Variants in KCNH5 observed in about 807,000 individuals in gnomAD.
The protein encoded by KCNH5 is voltage-gated delayed rectifier potassium channel KCNH5.
In KCNH5, 46 loss-of-function variants were observed where a neutral mutation model predicts 96.1. The observed-to-expected ratio is 0.48, with a 90% CI of 0.38 to 0.61. The LOEUF (loss-of-function observed/expected upper bound fraction) is 0.61, where lower values mean the gene tolerates loss of function less well. KCNH5 is among the 20% of genes least tolerant of loss of function. The pLI is 0.00. For synonymous variants in KCNH5, 439 were observed against 449.8 expected, an observed-to-expected ratio of 0.98 and a Z score of 0.30; for missense variants, 907 against 1,225.8, an observed-to-expected ratio of 0.74 and a Z score of 3.88.
At chr14:62,817,060 CTG>C (rs1451118296) in intron 8 of KCNH5, among the ~76,000 whole-genome samples, 1 of 137,610 alleles carries the variant, frequency 7.3e-6, no homozygotes, top group Non-Finnish European at 1.5e-5. Flanking sequence ...TCTCTGAGTT[CTG>C]TGTGTGTGTA....
chr14:63,033,316 G>A (rs145723829), intron 1 of KCNH5, among the ~76,000 whole-genome samples: 126 of 152,286 alleles, frequency 8.3e-4, no homozygotes, highest in Non-Finnish European at 1.6e-3. Flanking sequence ...ATCTAGCTGC[G>A]CTAGTGTTTA....
rs375719709 is a variant in KCNH5, at chr14:62,923,622, T to C, written c.1369+26511A>G. ...TATGGTACTGGCATTAAAACAAACATGTAGACCAATGGAACAGGACAGAGA... is the reference window on the plus strand; with the variant it reads ...TATGGTACTGGCATTAAAACAAACACGTAGACCAATGGAACAGGACAGAGA... On this transcript the variant is annotated intron_variant, in intron 7 of 10. Transcript: ENST00000322893. Among the ~76,000 whole-genome samples, 8 of 151,924 alleles carry C rather than the reference T, an allele frequency of 5.3e-5. No homozygotes were observed. The South Asian group carries it at 1.2e-3, about 24-fold the overall frequency.
intron 10 of KCNH5, among the ~76,000 whole-genome samples, chr14:62,741,465 T>A (rs551199955): frequency 1.3e-5 from 2 of 152,226 alleles, no homozygotes; most frequent in South Asian, 4.2e-4. Flanking sequence ...TGAATCAAAA[T>A]CAATAAATTA....
In KCNH5 at chr14:63,004,665, C is replaced by A. The variant is rs185793526; in HGVS notation, c.304+1701G>T. ...TGTCACCCAGGCTGGAATACAGTAG[C>A]ATGATCATAGCTCACTGCAGCCTCG... On this transcript the variant is annotated intron_variant, in intron 3 of 10. Transcript: ENST00000322893. Among the ~76,000 whole-genome samples the A allele has an allele frequency of 3.2e-4, 49 of 152,318 alleles. No homozygotes were observed. In the East Asian group the frequency reaches 7.9e-3, roughly 25 times the overall value.
intron 10 of KCNH5, among the ~76,000 whole-genome samples, chr14:62,749,147 A>G (rs1319146951): frequency 1.3e-5 from 2 of 152,322 alleles, no homozygotes; most frequent in South Asian, 4.1e-4. Context: ...GAGAGGCTAA[A>G]GTCTGTGCCC....
At chr14:62,958,347 G>A (rs775063158) in intron 6 of KCNH5, among the ~76,000 whole-genome samples, 1 of 152,166 alleles carries the variant, frequency 6.6e-6, no homozygotes, top group African/African-American at 2.4e-5. Context: ...ATCCATGGAG[G>A]TGAGCCTTCC....
intron 6 of KCNH5, among the ~76,000 whole-genome samples, chr14:62,969,345 C>G (rs1594651384): frequency 6.6e-6 from 1 of 152,086 alleles, no homozygotes; most frequent in Non-Finnish European, 1.5e-5. Flanking sequence ...ATACTTTCAC[C>G]TTTGCAAACC....
In KCNH5 at chr14:62,707,585, G is replaced by C. The variant is rs753525158; in HGVS notation, c.2890C>G (p.Gln964Glu). Residue 964 changes from glutamine to glutamate, a missense_variant, in exon 11 of 11, where the codon CAG (glutamine) becomes GAG (glutamate). By Grantham distance (29) the Gln-to-Glu change is conservative. Around this residue, in one of 6 missense-constraint regions of KCNH5, gnomAD observed 362 missense variants for 394.4 expected, o/e 0.92. Coordinates refer to ENST00000322893, the MANE Select transcript of KCNH5 (RefSeq NM_139318.5). ...KSQMPLQVPP[Q>E]IPCQDIFSVS... Reference sequence around the variant, plus strand: ...CTAAAAATATCCTGACATGGTATCTGGGGGGGTACTTGGAGTGGCATTTGG... The same window carrying C: ...CTAAAAATATCCTGACATGGTATCTCGGGGGGTACTTGGAGTGGCATTTGG... 1.2e-5 allele frequency: 19 copies of C among 1,528,044 alleles called. No individual in the cohort carries two copies. Among genetic ancestry groups the C allele is most frequent in the Admixed American group, 1.0e-4 (5 of 49,244 alleles). 94.7% of individuals were successfully genotyped at this position (1,528,044 alleles called of 1,614,324 possible).
At chr14:62,973,816 C>G (rs759706636) in intron 6 of KCNH5, among the ~76,000 whole-genome samples, 2 of 152,104 alleles carry the variant, frequency 1.3e-5, no homozygotes, top group Non-Finnish European at 2.9e-5. Flanking sequence ...AAGGTAATGG[C>G]AAGCCAACTA....
intron 7 of KCNH5, among the ~76,000 whole-genome samples, chr14:62,939,257 T>G (rs1409666275): frequency 6.6e-6 from 1 of 152,176 alleles, no homozygotes; most frequent in Admixed American, 6.5e-5. Flanking sequence ...CATGCTTCCA[T>G]TCTACCTCAC....
intron 6 of KCNH5, among the ~76,000 whole-genome samples, chr14:62,959,319 A>G (rs565164857): frequency 4.6e-5 from 7 of 152,270 alleles, no homozygotes; most frequent in South Asian, 4.1e-4. Context: ...AATTTTGTCC[A>G]TAAATATTTC....
At chr14:62,877,996 C>T (rs1223217893) in intron 7 of KCNH5, among the ~76,000 whole-genome samples, 2 of 151,720 alleles carry the variant, frequency 1.3e-5, no homozygotes, top group African/African-American at 2.4e-5. Context: ...ACATATACAC[C>T]ATGGAATACT....
At chr14:62,937,056 A>G (rs1889698654) in intron 7 of KCNH5, among the ~76,000 whole-genome samples, 1 of 151,672 alleles carries the variant, frequency 6.6e-6, no homozygotes, top group Admixed American at 6.6e-5. Context: ...AAAAATAATC[A>G]AGCTACAGCA....
intron 10 of KCNH5, among the ~76,000 whole-genome samples, chr14:62,720,874 G>T (rs142204686): frequency 6.6e-6 from 1 of 152,258 alleles, no homozygotes; most frequent in Non-Finnish European, 1.5e-5. Flanking sequence ...AGATGCGCGT[G>T]CATGCACACA....
intron 2 of KCNH5, among the ~76,000 whole-genome samples, chr14:63,008,418 A>C (rs78453038): frequency 1.2e-4 from 19 of 152,148 alleles, no homozygotes; most frequent in African/African-American, 4.3e-4. Flanking sequence ...AAGATCCAGT[A>C]ATGACACACA....
At chr14:62,724,382 G>A (rs1884879588) in intron 10 of KCNH5, among the ~76,000 whole-genome samples, 1 of 152,006 alleles carries the variant, frequency 6.6e-6, no homozygotes, top group Non-Finnish European at 1.5e-5. Context: ...ATCTATCTTT[G>A]AATATACAAC....
intron 8 of KCNH5, among the ~76,000 whole-genome samples, chr14:62,826,342 A>G (rs1213677253): frequency 6.7e-6 from 1 of 149,592 alleles, no homozygotes; most frequent in South Asian, 2.1e-4. Flanking sequence ...GTATACCTTT[A>G]CCCATCTCTT....
chr14:62,973,246 G>C (rs1249710844), intron 6 of KCNH5, among the ~76,000 whole-genome samples: 1 of 152,158 alleles, frequency 6.6e-6, no homozygotes, highest in Non-Finnish European at 1.5e-5. Flanking sequence ...GATTGCTTAG[G>C]ACTTAATGTT....
intron 7 of KCNH5, among the ~76,000 whole-genome samples, chr14:62,905,169 T>C (rs1889003186): frequency 6.6e-6 from 1 of 152,242 alleles, no homozygotes; most frequent in South Asian, 2.1e-4. Flanking sequence ...CATCTTCTTT[T>C]TTTGTCCTAT....
Sources: allele counts gnomAD v4.1 joint callset (sites outside exome capture counted in the v4.1 genomes callset), GRCh38; gene constraint gnomAD v4.1.1; regional missense constraint gnomAD v4.1.1; transcripts MANE v1.5; gene names NCBI Gene and HGNC (gene_info 2026-07-23, HGNC 2026-07-21).